The following TNR variants were observed in gnomAD, a reference collection of about 807,000 sequenced individuals.
TNR encodes the protein tenascin R.
A neutral mutation model predicts 150.4 loss-of-function variants in TNR; 45 were observed. The ratio of observed to expected loss-of-function variants is 0.30; its 90% CI spans 0.24 to 0.38. The LOEUF (loss-of-function observed/expected upper bound fraction) is 0.38, where lower values mean the gene tolerates loss of function less well. Among genes scored for constraint, TNR ranks in the 10% least tolerant of loss-of-function variants. The pLI is 1.00. For missense variants in TNR, 1,544 were observed against 1,759.1 expected (o/e 0.88, Z 2.19); for synonymous variants, 687 against 678.4 (o/e 1.01, Z -0.20).
intron 2 of TNR, among the ~76,000 whole-genome samples, chr1:175,512,768 C>T (rs1292777070): frequency 6.6e-6 from 1 of 152,214 alleles, no homozygotes; most frequent in African/African-American, 2.4e-5. Context: ...TCGTGGGTTC[C>T]TGGAAACGCA....
At position 175,406,801 on chromosome 1, in the gene TNR, G is replaced by T; in HGVS notation, c.-63-24C>A. 7 of 1,535,180 alleles carry T rather than the reference G, an allele frequency of 4.6e-6. No individual in the cohort carries two copies. The South Asian group carries it at 8.9e-5, about 19-fold the overall frequency. Reference sequence around the variant, plus strand: ...ATCTGCAACGGAAACCAAGGAAAGAGACAACCTCTGAGACCTATGCCTTGG... The same window carrying T: ...ATCTGCAACGGAAACCAAGGAAAGATACAACCTCTGAGACCTATGCCTTGG... On this transcript the variant is annotated intron_variant, in intron 2 of 22. Coordinates refer to ENST00000367674, the MANE Select transcript of TNR (RefSeq NM_003285.3).
At chr1:175,582,777 C>G (rs1056938259) in intron 1 of TNR, among the ~76,000 whole-genome samples, 3 of 152,086 alleles carry the variant, frequency 2.0e-5, no homozygotes, top group African/African-American at 4.8e-5. Flanking sequence ...GCCATTGTAA[C>G]AGTATTAAGA....
chr1:175,610,287 C>A (rs913407286), intron 1 of TNR, among the ~76,000 whole-genome samples: 1 of 152,196 alleles, frequency 6.6e-6, no homozygotes, highest in Admixed American at 6.5e-5. Flanking sequence ...TGGCTTACTA[C>A]GAAGAACCAC....
At chr1:175,436,707 CA>C (rs1655528228) in intron 2 of TNR, among the ~76,000 whole-genome samples, 1 of 151,460 alleles carries the variant, frequency 6.6e-6, no homozygotes, top group African/African-American at 2.4e-5. Context: ...AATGGAAAAC[CA>C]AAAAAAGGCA....
intron 2 of TNR, among the ~76,000 whole-genome samples, chr1:175,507,701 G>A (rs1659017303): frequency 6.6e-6 from 1 of 152,096 alleles, no homozygotes; most frequent in South Asian, 2.1e-4. Flanking sequence ...TCAAGACCCA[G>A]TTTCTTCTAT....
At position 175,643,036 on chromosome 1, in the gene TNR, A is replaced by C. The variant is rs796456411; in HGVS notation, c.-165+100190T>G. 9.2e-5 allele frequency among the ~76,000 whole-genome samples: 14 copies of C among 152,358 alleles called. 1 individual carries two copies. The highest frequency in any genetic ancestry group is 2.9e-4 in the African/African-American group (12 of 41,582). On this transcript the variant is annotated intron_variant, in intron 1 of 22. Transcript: ENST00000367674. ...AGAGGGGCAAGTGATAGTTTTGAGA[A>C]TCACTAGAGAAACGTTAATAGAATT...
chr1:175,359,856 G>A (rs1651512964), intron 14 of TNR, 125 bp from the exon 15 acceptor site: 2 of 1,224,512 alleles, frequency 1.6e-6, no homozygotes, highest in African/African-American at 1.6e-5. Flanking sequence ...AAAGAAGTGA[G>A]CAGAAACCTC....
intron 1 of TNR, among the ~76,000 whole-genome samples, chr1:175,654,719 CTTTTTTTTTTTT>C (rs36087120): frequency 0.025 from 1,842 of 74,896 alleles, 73 homozygotes; most frequent in African/African-American, 0.093. Context: ...AAGTTCCCTT[CTTTTTTTTTTTT>C]TTTTTTTTTT....
At chr1:175,343,536 T>C (rs1441606885) in intron 18 of TNR, among the ~76,000 whole-genome samples, 1 of 152,200 alleles carries the variant, frequency 6.6e-6, no homozygotes, top group African/African-American at 2.4e-5. Flanking sequence ...CTTTACACTG[T>C]CCCTATTCCA....
chr1:175,570,579 C>T (rs1376495761), intron 1 of TNR, among the ~76,000 whole-genome samples: 16 of 152,114 alleles, frequency 1.1e-4, no homozygotes, highest in Non-Finnish European at 1.5e-5. Context: ...GTGAGGGTGC[C>T]TTTTCATGTA....
chr1:175,711,787 T>C (rs1477575937), intron 1 of TNR, among the ~76,000 whole-genome samples: 1 of 151,946 alleles, frequency 6.6e-6, no homozygotes, highest in Non-Finnish European at 1.5e-5. Flanking sequence ...GCAGTCGAGG[T>C]TTTTGGTATG....
rs79937325 is a variant in TNR at position 175,570,816 on chromosome 1, A to G, written c.-164-42447T>C. On this transcript the variant is annotated intron_variant, in intron 1 of 22. Coordinates refer to ENST00000367674, the MANE Select transcript of TNR (RefSeq NM_003285.3). ...GCAAAAAACAAAACTCACTACCAAT[A>G]TCTCCAAATATTTCCATAATGTTTT... is the stretch of plus-strand genomic sequence containing the variant. Among the ~76,000 whole-genome samples, 1,343 of 152,174 alleles carry G rather than the reference A, an allele frequency of 8.8e-3. 17 individuals are homozygous for G. Among genetic ancestry groups the G allele is most frequent in the African/African-American group, 0.031 (1,281 of 41,486 alleles).
At position 175,324,532 on chromosome 1, in the gene TNR, T is replaced by TA. The variant is rs1163029638; in HGVS notation, c.3794-14dup. 2 of 1,612,626 alleles carry TA rather than the reference T, an allele frequency of 1.2e-6. No individual in the cohort carries two copies. Among genetic ancestry groups the TA allele is most frequent in the Non-Finnish European group, 1.7e-6 (2 of 1,179,284 alleles). ...CTGAGGGAGTCCCCTGCAAAAAAGA[T>TA]ACATTCATTAGGCTGTCCCATTTGT... On this transcript the variant is annotated splice_polypyrimidine_tract_variant and intron_variant, in intron 21 of 22. Coordinates refer to ENST00000367674, the MANE Select transcript of TNR (RefSeq NM_003285.3).
chr1:175,336,583 C>T (rs779915170), intron 19 of TNR, among the ~76,000 whole-genome samples: 6 of 152,334 alleles, frequency 3.9e-5, no homozygotes, highest in East Asian at 1.9e-4. Flanking sequence ...CTGCTCCGAC[C>T]GGCTTGCATT....
intron 1 of TNR, among the ~76,000 whole-genome samples, chr1:175,670,006 G>T (rs1665647157): frequency 6.6e-6 from 1 of 152,144 alleles, no homozygotes; most frequent in Non-Finnish European, 1.5e-5. Context: ...TTCACACCAT[G>T]CCAGGCCTCC....
chr1:175,708,428 G>A (rs1666902535), intron 1 of TNR, among the ~76,000 whole-genome samples: 1 of 152,158 alleles, frequency 6.6e-6, no homozygotes, highest in South Asian at 2.1e-4. Flanking sequence ...GTAGGGTCTG[G>A]GTTAATGAAA....
At chr1:175,377,868 C>T (rs1325048700) in intron 9 of TNR, among the ~76,000 whole-genome samples, 1 of 152,174 alleles carries the variant, frequency 6.6e-6, no homozygotes, top group African/African-American at 2.4e-5. Flanking sequence ...CTGTTCTGCA[C>T]AGCATCTCCT....
At chr1:175,388,630 T>A (rs563807593) in intron 7 of TNR, among the ~76,000 whole-genome samples, 2 of 152,320 alleles carry the variant, frequency 1.3e-5, no homozygotes, top group South Asian at 4.1e-4. Context: ...GGTAGCAATG[T>A]TCCATTCCAA....
chr1:175,420,731 G>GT (rs1654714109), intron 2 of TNR, among the ~76,000 whole-genome samples: 1 of 152,142 alleles, frequency 6.6e-6, no homozygotes. Context: ...TAAGGTGGGC[G>GT]TATTGCTCCA....
Sources: gnomAD v4.1 joint callset for allele counts (sites outside exome capture counted in the v4.1 genomes callset) on GRCh38, gnomAD v4.1.1 for gene constraint, MANE v1.5 for transcripts, NCBI Gene and HGNC (gene_info 2026-07-23, HGNC 2026-07-21) for gene names.